Variants in ANKRD12 observed in about 807,000 individuals in gnomAD.
The protein encoded by ANKRD12 is ankyrin repeat domain 12, also known as ankyrin repeat domain-containing protein 12.
A neutral mutation model predicts 183.4 loss-of-function variants in ANKRD12; 85 were observed. That is an observed-to-expected ratio of 0.46 (90% confidence interval 0.39 to 0.56). ANKRD12 has a LOEUF of 0.56. Among genes scored for constraint, ANKRD12 ranks in the 20% least tolerant of loss-of-function variants. The probability of loss-of-function intolerance (pLI) is 0.00; values close to 1 mark genes in which losing one functional copy is unlikely to be tolerated. For synonymous variants in ANKRD12, 914 were observed against 800.2 expected (o/e 1.14, Z -2.40); for missense variants, 2,405 against 2,357.1 (o/e 1.02, Z -0.42).
chr18:9,195,528 T>G, intron 2 of ANKRD12, 23 bp from the exon 3 acceptor site: 1 of 1,554,754 alleles, frequency 6.4e-7, no homozygotes. Flanking sequence ...GATATAACTT[T>G]ACTCTATTTG....
chr18:9,173,293 C>A (rs192485451), intron 1 of ANKRD12, among the ~76,000 whole-genome samples: 80 of 152,170 alleles, frequency 5.3e-4, no homozygotes, highest in African/African-American at 1.8e-3. Context: ...TGGTCTCAAA[C>A]TTCTGATCTC....
Position 9,254,199 on chromosome 18 carries a change from T to C in ANKRD12, c.944-12T>C, listed in dbSNP as rs559262361. The C allele has an allele frequency of 1.9e-5, 28 of 1,491,132 alleles. No homozygotes were observed. The South Asian group carries it at 3.7e-4, about 20-fold the overall frequency. 92.4% of individuals were successfully genotyped at this position (1,491,132 alleles called of 1,614,324 possible). A position where few individuals can be genotyped will look rare whatever the true frequency, so the allele number is the denominator to read the frequency against. On this transcript the variant is annotated splice_polypyrimidine_tract_variant and intron_variant, in intron 8 of 12. Transcript: ENST00000262126. ...GTTTGACCCACACCACATTTTCTTT[T>C]TTTTATTCTAGATTCCGAAGAGGCT... is the stretch of plus-strand genomic sequence containing the variant.
rs972559375 is a variant in ANKRD12 at position 9,282,252 on chromosome 18, T to C, written c.*1126T>C. 1 of 152,562 alleles carries C rather than the reference T, an allele frequency of 6.6e-6. No homozygotes were observed. Among genetic ancestry groups the C allele is most frequent in the African/African-American group, 2.4e-5 (1 of 41,444 alleles). 9.5% of individuals were successfully genotyped at this position (152,562 alleles called of 1,614,324 possible). A position where few individuals can be genotyped will look rare whatever the true frequency, so the allele number is the denominator to read the frequency against. ...TTAAGCTTAATAGCCTTTGCACTTTTAAAATAAAAACCAAGTATGCAAATC... is the reference window on the plus strand; with the variant it reads ...TTAAGCTTAATAGCCTTTGCACTTTCAAAATAAAAACCAAGTATGCAAATC... On this transcript the variant is annotated 3_prime_UTR_variant, in exon 13 of 13. Transcript: ENST00000262126.
At chr18:9,221,248 C>T (rs771634472) in intron 7 of ANKRD12, among the ~76,000 whole-genome samples, 2 of 152,026 alleles carry the variant, frequency 1.3e-5, no homozygotes, top group African/African-American at 4.8e-5. Flanking sequence ...TTACGTAATT[C>T]GTTAGAGAAG....
At chr18:9,167,893 T>C (rs548545977) in intron 1 of ANKRD12, among the ~76,000 whole-genome samples, 1,572 of 152,312 alleles carry the variant, frequency 0.01, 22 homozygotes, top group African/African-American at 0.036. Context: ...ATACGTCCCA[T>C]CAATACCTAA....
chr18:9,138,891 A>G (rs536753068), intron 1 of ANKRD12, among the ~76,000 whole-genome samples: 4 of 152,350 alleles, frequency 2.6e-5, no homozygotes, highest in East Asian at 1.9e-4. Flanking sequence ...CTGAAGCTCT[A>G]CAGGCATCTT....
At chr18:9,195,458 T>C (rs1034258577) in intron 2 of ANKRD12, 93 bp from the exon 3 acceptor site, 22 of 893,582 alleles carry the variant, frequency 2.5e-5, no homozygotes, top group Non-Finnish European at 3.3e-5. Flanking sequence ...TACTATCTCT[T>C]TTTGTGTATG....
chr18:9,141,638 T>C (rs1359487463), intron 1 of ANKRD12, among the ~76,000 whole-genome samples: 1 of 152,182 alleles, frequency 6.6e-6, no homozygotes, highest in Non-Finnish European at 1.5e-5. Context: ...TTCTTTTTCT[T>C]TGGCTTTAAA....
In ANKRD12 at chr18:9,255,393, T is replaced by C. The variant is rs2038543868; in HGVS notation, c.2126T>C (p.Leu709Pro). The change falls in exon 9 of 13, where the codon CTC becomes CCC. Residue 709 changes from leucine to proline, a missense_variant. Leu to Pro is a moderately conservative substitution (Grantham distance 98). This residue lies in a region of ANKRD12 where 1,983 missense variants were observed against 1,725.9 expected (regional missense o/e 1.15). Transcript: ENST00000262126. ...TTTAAAAGTGATGAAACTGAAGATCTCTTTTTAAATATGGAACATGAATCC... is the reference window on the plus strand; with the variant it reads ...TTTAAAAGTGATGAAACTGAAGATCCCTTTTTAAATATGGAACATGAATCC... Reference protein sequence around the residue: ...NFFKSDETEDLFLNMEHESLT... With the variant: ...NFFKSDETEDPFLNMEHESLT... The C allele has an allele frequency of 3.1e-6, 5 of 1,590,498 alleles. No individual in the cohort carries two copies. In the East Asian group the frequency reaches 6.7e-5, roughly 21 times the overall value.
Position 9,284,688 on chromosome 18 carries a change from A to G in ANKRD12, c.*3562A>G, listed in dbSNP as rs547153881. 21 of 152,262 alleles carry G rather than the reference A, an allele frequency of 1.4e-4. No individual in the cohort carries two copies. Among genetic ancestry groups the G allele is most frequent in the African/African-American group, 5.1e-4 (21 of 41,568 alleles). The allele number at this position is 152,262 out of a possible 1,614,324, so 9.4% of individuals were successfully genotyped here. On this transcript the variant is annotated 3_prime_UTR_variant, in exon 13 of 13. Coordinates refer to ENST00000262126, the MANE Select transcript of ANKRD12 (RefSeq NM_015208.5). ...AGTTTTTTTTTAAGCCTCCACAGAG[A>G]TAGTCACCCAAAGTATTTCCAGTCA...
chr18:9,142,147 A>C (rs1479741848), intron 1 of ANKRD12, among the ~76,000 whole-genome samples: 1 of 152,172 alleles, frequency 6.6e-6, no homozygotes, highest in African/African-American at 2.4e-5. Context: ...CCTACATAGG[A>C]GTTTTGTCAG....
At chr18:9,182,275 A>G in intron 1 of ANKRD12, 107 bp from the exon 2 acceptor site, 1 of 342,162 alleles carries the variant, frequency 2.9e-6, no homozygotes, top group Non-Finnish European at 5.3e-6. Context: ...CCTCTTTGAG[A>G]AAATAAGGTA....
chr18:9,190,630 T>C (rs1460363361), intron 2 of ANKRD12, among the ~76,000 whole-genome samples: 1 of 152,126 alleles, frequency 6.6e-6, no homozygotes, highest in African/African-American at 2.4e-5. Flanking sequence ...GAAATTGTAA[T>C]AGCCACCCCA....
chr18:9,186,896 T>A (rs1010458744), intron 2 of ANKRD12, among the ~76,000 whole-genome samples: 2 of 151,456 alleles, frequency 1.3e-5, no homozygotes, highest in Non-Finnish European at 2.9e-5. Flanking sequence ...GGACTACAGG[T>A]GCCCGCCACC....
chr18:9,177,450 C>T (rs191510944), intron 1 of ANKRD12, among the ~76,000 whole-genome samples: 1 of 151,874 alleles, frequency 6.6e-6, no homozygotes, highest in Non-Finnish European at 1.5e-5. Context: ...GTTTAATTGA[C>T]CCATAATATT....
At chr18:9,169,561 C>G (rs564890921) in intron 1 of ANKRD12, among the ~76,000 whole-genome samples, 1 of 152,038 alleles carries the variant, frequency 6.6e-6, no homozygotes, top group African/African-American at 2.4e-5. Flanking sequence ...TTTCCATTTG[C>G]TTGGTAGATC....
At chr18:9,231,184 G>A (rs1207075046) in intron 8 of ANKRD12, among the ~76,000 whole-genome samples, 1 of 152,164 alleles carries the variant, frequency 6.6e-6, no homozygotes, top group Non-Finnish European at 1.5e-5. Flanking sequence ...AACATGGTCA[G>A]TCACATGTTC....
chr18:9,257,167 G>A lies in ANKRD12; in HGVS notation c.3900G>A (p.Glu1300=), dbSNP rs767317063. 21 of 1,613,958 alleles carry A rather than the reference G, an allele frequency of 1.3e-5. No homozygotes were observed. Among genetic ancestry groups the A allele is most frequent in the Non-Finnish European group, 1.7e-5 (20 of 1,179,996 alleles). The part of the protein sequence containing the change: ...SVEDVKLIIS[E]GRPTIEVRRC... ...AAGATGTTAAACTAATTATAAGCGA[G>A]GGGAGACCTACCATAGAAGTTCGAA... Residue 1300 remains glutamate (E), a synonymous_variant, in exon 9 of 13, where the codon GAG becomes GAA. Coordinates refer to ENST00000262126, the MANE Select transcript of ANKRD12 (RefSeq NM_015208.5).
chr18:9,158,626 C>T, intron 1 of ANKRD12, among the ~76,000 whole-genome samples: 1 of 152,192 alleles, frequency 6.6e-6, no homozygotes, highest in East Asian at 1.9e-4. Flanking sequence ...GCACTATTAG[C>T]ATTAACCTTG....
Sources: allele counts gnomAD v4.1 joint callset (sites outside exome capture counted in the v4.1 genomes callset), GRCh38; gene constraint gnomAD v4.1.1; regional missense constraint gnomAD v4.1.1; transcripts MANE v1.5; gene names NCBI Gene and HGNC (gene_info 2026-07-23, HGNC 2026-07-21).